The following TEX11 variants were observed in gnomAD, a reference collection of about 807,000 sequenced individuals.
TEX11 encodes testis expressed 11.
In TEX11, 7 loss-of-function variants were observed where a neutral mutation model predicts 84.4. The ratio of observed to expected loss-of-function variants is 0.08; its 90% CI spans 0.05 to 0.16. The LOEUF is 0.16. Ranked by LOEUF, TEX11 falls within the 10% of genes least tolerant of loss-of-function variation. TEX11 has a pLI of 1.00. For synonymous variants in TEX11, 264 were observed against 222.8 expected, an observed-to-expected ratio of 1.18 and a Z score of -1.64; for missense variants, 551 against 660.5, an observed-to-expected ratio of 0.83 and a Z score of 1.82.
intron 20 of TEX11, among the ~76,000 whole-genome samples, chrX:70,621,251 G>A (rs954604230): frequency 5.6e-5 from 6 of 106,965 alleles, no homozygotes; most frequent in African/African-American, 1.4e-4. Context: ...GGTCGGGCAC[G>A]GTGGCTCACA....
intron 2 of TEX11, among the ~76,000 whole-genome samples, chrX:70,901,551 T>C (rs1179460980): frequency 9.0e-6 from 1 of 111,598 alleles, no homozygotes; most frequent in East Asian, 2.8e-4. Flanking sequence ...CAACAGGCAT[T>C]AGTTAGATTT....
chrX:70,796,356 T>G (rs773104055), intron 9 of TEX11, among the ~76,000 whole-genome samples: 1 of 111,631 alleles, frequency 9.0e-6, no homozygotes, highest in African/African-American at 3.2e-5. Flanking sequence ...GAATATAGCC[T>G]CATAAAGGGC....
At chrX:70,899,161 T>C (rs920532514) in intron 2 of TEX11, among the ~76,000 whole-genome samples, 2 of 112,031 alleles carry the variant, frequency 1.8e-5, no homozygotes, top group Non-Finnish European at 3.8e-5. Context: ...GCCAATTATC[T>C]TGACTGAGTT....
In TEX11 at chrX:70,870,608, T is replaced by A. The variant is rs184822205; in HGVS notation, c.244+2615A>T. Among the ~76,000 whole-genome samples the A allele has an allele frequency of 4.5e-3, 502 of 111,896 alleles. 1 individual carries two copies. Among genetic ancestry groups the A allele is most frequent in the Admixed American group, 7.8e-3 (82 of 10,534 alleles). Reference sequence around the variant, plus strand: ...CTTCAGCCTCCCAAAGTGCTGGGATTACAGGCGTGAGCCACTGTGCCTGGC... The same window carrying A: ...CTTCAGCCTCCCAAAGTGCTGGGATAACAGGCGTGAGCCACTGTGCCTGGC... On this transcript the variant is annotated intron_variant, in intron 4 of 29. Transcript: ENST00000374333.
intron 20 of TEX11, among the ~76,000 whole-genome samples, chrX:70,618,490 C>A (rs1031567961): frequency 7.2e-5 from 8 of 111,446 alleles, no homozygotes; most frequent in African/African-American, 2.6e-4. Context: ...TGGACATATT[C>A]CTCTTGTACC....
chrX:70,788,857 A>C (rs1213786442), intron 9 of TEX11, among the ~76,000 whole-genome samples: 1 of 100,780 alleles, frequency 9.9e-6, no homozygotes, highest in African/African-American at 3.6e-5. Context: ...ACAGCAATGA[A>C]AGCAATTAAC....
downstream of TEX11, among the ~76,000 whole-genome samples, chrX:70,525,495 G>A (rs2087813808): frequency 9.1e-6 from 1 of 109,771 alleles, no homozygotes; most frequent in Admixed American, 9.8e-5. Flanking sequence ...ACTGAGATGG[G>A]AGGATCATTT....
intron 8 of TEX11, among the ~76,000 whole-genome samples, chrX:70,810,468 A>T (rs1477260832): frequency 8.9e-6 from 1 of 112,007 alleles, no homozygotes; most frequent in Admixed American, 9.5e-5. Context: ...CAGCCATAAA[A>T]AAGAATGAGT....
At chrX:70,878,744 C>T (rs947377407) in intron 3 of TEX11, among the ~76,000 whole-genome samples, 3 of 108,981 alleles carry the variant, frequency 2.8e-5, no homozygotes, top group African/African-American at 1.0e-4. Flanking sequence ...CAGCATTATT[C>T]ATAATAGCCA....
At chrX:70,607,099 C>G (rs2089203731) in intron 22 of TEX11, 70 bp from the exon 23 acceptor site, 2 of 803,047 alleles carry the variant, frequency 2.5e-6, no homozygotes, top group Admixed American at 3.0e-5. Flanking sequence ...TGTACCATTA[C>G]AATTTCTGAT....
In TEX11 at chrX:70,725,281, A is replaced by C; in HGVS notation, c.906T>G (p.Ser302=). ...KMKILLKGET[S]NEELLEAVME... ...TCATACCTTCAAGGAGTTCTTCATT[A>C]GATGTTTCGCCTTTCAAGAGGATTT... is the stretch of plus-strand genomic sequence containing the variant. The change falls in exon 12 of 30, where the codon TCT becomes TCG. Residue 302 remains serine, a synonymous_variant. Transcript: ENST00000374333. The C allele has an allele frequency of 8.3e-7, 1 of 1,197,912 alleles. No individual in the cohort carries two copies. The highest frequency in any genetic ancestry group is 1.1e-6 in the Non-Finnish European group (1 of 885,794).
At chrX:70,755,906 C>T (rs1199609099) in intron 9 of TEX11, among the ~76,000 whole-genome samples, 1 of 112,576 alleles carries the variant, frequency 8.9e-6, no homozygotes, top group East Asian at 2.8e-4. Flanking sequence ...CTGTGCTTTT[C>T]CTACAGTCTT....
chrX:70,738,129 A>T (rs1214658661), intron 11 of TEX11, among the ~76,000 whole-genome samples: 2 of 112,139 alleles, frequency 1.8e-5, no homozygotes, highest in Admixed American at 9.5e-5. Flanking sequence ...GAGCTTCTGC[A>T]GGGCAAAAGA....
chrX:70,614,692 T>C (rs911519163), intron 20 of TEX11, among the ~76,000 whole-genome samples: 1 of 111,485 alleles, frequency 9.0e-6, no homozygotes, highest in Admixed American at 9.5e-5. Flanking sequence ...GTGCTTACAG[T>C]GGGCCTTGGG....
chrX:70,578,078 C>A (rs2088704090), intron 25 of TEX11, among the ~76,000 whole-genome samples: 1 of 111,970 alleles, frequency 8.9e-6, no homozygotes, highest in Non-Finnish European at 1.9e-5. Flanking sequence ...ATACACTTGA[C>A]AGGGCCAGGT....
At chrX:70,577,948 G>A (rs1388254858) in intron 25 of TEX11, among the ~76,000 whole-genome samples, 2 of 110,757 alleles carry the variant, frequency 1.8e-5, no homozygotes, top group Non-Finnish European at 3.8e-5. Flanking sequence ...AGCTGGTCTC[G>A]AACTCCTGAC....
intron 25 of TEX11, among the ~76,000 whole-genome samples, chrX:70,587,777 T>A (rs1227458483): frequency 1.8e-5 from 2 of 111,877 alleles, no homozygotes; most frequent in East Asian, 5.7e-4. Context: ...GCTTGCACTG[T>A]GCACCCAGAA....
chrX:70,666,956 A>C lies in TEX11; in HGVS notation c.1380+3421T>G, dbSNP rs1228849100. ...CATTTAATATCACCCTTTCCTGCTT[A>C]GTTTTCTCCTTAGCACTTATCAATA... On this transcript the variant is annotated intron_variant, in intron 16 of 29. Coordinates refer to ENST00000374333, the MANE Select transcript of TEX11 (RefSeq NM_031276.3). 6.2e-5 allele frequency among the ~76,000 whole-genome samples: 7 copies of C among 112,269 alleles called. No individual in the cohort carries two copies. In the Admixed American group the frequency reaches 6.6e-4, roughly 11 times the overall value.
intron 2 of TEX11, among the ~76,000 whole-genome samples, chrX:70,900,286 G>A (rs985620286): frequency 9.4e-5 from 10 of 105,965 alleles, no homozygotes; most frequent in Non-Finnish European, 1.5e-4. Flanking sequence ...CAGGAGAATC[G>A]CTTGAACCCG....
Sources: allele counts gnomAD v4.1 joint callset (sites outside exome capture counted in the v4.1 genomes callset), GRCh38; gene constraint gnomAD v4.1.1; transcripts MANE v1.5; gene names NCBI Gene and HGNC (gene_info 2026-07-23, HGNC 2026-07-21).